AFF3: variants seen among roughly 807,000 people sequenced by gnomAD.
AFF3 encodes ALF transcription elongation factor 3.
Under a neutral mutation model 129.7 loss-of-function variants are expected in AFF3, and 32 were observed. The observed-to-expected ratio is 0.25, with a 90% CI of 0.19 to 0.33. The LOEUF (loss-of-function observed/expected upper bound fraction) is 0.33. Among genes scored for constraint, AFF3 ranks in the 10% least tolerant of loss-of-function variants. AFF3 has a pLI of 1.00. For missense variants in AFF3, 1,373 were observed against 1,592.0 expected (o/e 0.86, Z 2.34); for synonymous variants, 644 against 635.4 (o/e 1.01, Z -0.20).
At chr2:100,036,834 G>GA (rs60910274) in intron 4 of AFF3, among the ~76,000 whole-genome samples, 44,838 of 118,290 alleles carry the variant, frequency 0.38, 7,354 homozygotes, top group African/African-American at 0.41. Flanking sequence ...ACTCCAAACA[G>GA]AAAAAAAAAA....
Position 99,806,282 on chromosome 2 carries a change from T to C in AFF3, c.921+31195A>G, listed in dbSNP as rs776540224. Among the ~76,000 whole-genome samples the C allele has an allele frequency of 1.3e-4, 20 of 152,330 alleles. No homozygotes were observed. In the Middle Eastern group the frequency reaches 0.01, roughly 78 times the overall value. ...ATTAATTACTCCCATCAACATTCAT[T>C]GAGCTTCTGTCTACTACATGTGAAG... On this transcript the variant is annotated intron_variant, in intron 8 of 24. Transcript: ENST00000672756.
intron 7 of AFF3, among the ~76,000 whole-genome samples, chr2:99,847,490 C>T (rs1689822238): frequency 6.6e-6 from 1 of 151,884 alleles, no homozygotes; most frequent in South Asian, 2.1e-4. Context: ...TGTTGCTTTA[C>T]TGTTAGTCTT....
At chr2:100,064,967 G>C (rs73966414) in intron 4 of AFF3, among the ~76,000 whole-genome samples, 105 of 152,280 alleles carry the variant, frequency 6.9e-4, no homozygotes, top group African/African-American at 2.3e-3. Flanking sequence ...AAGTCATGCC[G>C]ATAATGTGCA....
At chr2:100,128,221 G>T (rs7565967) in intron 2 of AFF3, among the ~76,000 whole-genome samples, 86,197 of 152,010 alleles carry the variant, frequency 0.57, 25,357 homozygotes, top group African/African-American at 0.71. Flanking sequence ...GTAGCCATTC[G>T]TTTATTCCTT....
At chr2:100,100,471 C>T (rs1690643452) in intron 4 of AFF3, among the ~76,000 whole-genome samples, 1 of 151,880 alleles carries the variant, frequency 6.6e-6, no homozygotes, top group Admixed American at 6.6e-5. Flanking sequence ...ATCTGTCTTC[C>T]AAGACTTAGT....
At chr2:99,657,131 C>A (rs1313509486) in intron 12 of AFF3, among the ~76,000 whole-genome samples, 1 of 152,096 alleles carries the variant, frequency 6.6e-6, no homozygotes, top group East Asian at 1.9e-4. Context: ...GACCTCAGGG[C>A]CTGAGGAGCA....
At chr2:99,704,917 T>C (rs887793348) in intron 11 of AFF3, among the ~76,000 whole-genome samples, 1 of 152,044 alleles carries the variant, frequency 6.6e-6, no homozygotes, top group Non-Finnish European at 1.5e-5. Context: ...GAGTTAGAGA[T>C]CTCGATCTGG....
intron 7 of AFF3, among the ~76,000 whole-genome samples, chr2:99,909,312 G>GA (rs1322856805): frequency 7.0e-6 from 1 of 142,468 alleles, no homozygotes; most frequent in Non-Finnish European, 1.5e-5. Context: ...ACAGGAAGGG[G>GA]AACATCACAC....
At chr2:99,859,406 T>C (rs1016993542) in intron 7 of AFF3, among the ~76,000 whole-genome samples, 1 of 152,208 alleles carries the variant, frequency 6.6e-6, no homozygotes, top group East Asian at 1.9e-4. Context: ...ACTCCAGACC[T>C]ACTGAGTCAG....
intron 13 of AFF3, among the ~76,000 whole-genome samples, chr2:99,648,755 G>A (rs1452079659): frequency 6.6e-6 from 1 of 151,990 alleles, no homozygotes; most frequent in Non-Finnish European, 1.5e-5. Flanking sequence ...GGTGGTGAAG[G>A]TTAGCTAGAC....
chr2:100,071,854 T>A (rs1232002254), intron 4 of AFF3, among the ~76,000 whole-genome samples: 1 of 152,188 alleles, frequency 6.6e-6, no homozygotes, highest in Non-Finnish European at 1.5e-5. Context: ...TCAAGGGATA[T>A]CTATTCAAGG....
intron 11 of AFF3, among the ~76,000 whole-genome samples, chr2:99,708,130 G>T (rs995733822): frequency 6.6e-6 from 1 of 152,004 alleles, no homozygotes; most frequent in Non-Finnish European, 1.5e-5. Context: ...TTCAAGTATT[G>T]CATGGGACAT....
At chr2:99,704,695 G>T (rs1677190061) in intron 11 of AFF3, among the ~76,000 whole-genome samples, 1 of 152,168 alleles carries the variant, frequency 6.6e-6, no homozygotes, top group Non-Finnish European at 1.5e-5. Context: ...TCAACTTCTA[G>T]GGTGACCTTG....
At chr2:99,768,078 T>A (rs890020257) in intron 8 of AFF3, among the ~76,000 whole-genome samples, 1 of 152,220 alleles carries the variant, frequency 6.6e-6, no homozygotes, top group Non-Finnish European at 1.5e-5. Context: ...TCAGTCTCAA[T>A]TCCTGACTCA....
intron 12 of AFF3, among the ~76,000 whole-genome samples, chr2:99,657,636 T>C (rs1397968961): frequency 6.6e-6 from 1 of 152,222 alleles, no homozygotes; most frequent in East Asian, 1.9e-4. Flanking sequence ...GTGTATTATT[T>C]CCCTATTTGC....
intron 14 of AFF3, among the ~76,000 whole-genome samples, chr2:99,601,103 C>T (rs1200001172): frequency 2.6e-5 from 4 of 152,190 alleles, no homozygotes; most frequent in African/African-American, 9.7e-5. Flanking sequence ...CCAGCGACTG[C>T]CCTGGCTGAC....
At chr2:100,138,537 C>G (rs1692722216) in intron 1 of AFF3, among the ~76,000 whole-genome samples, 1 of 152,230 alleles carries the variant, frequency 6.6e-6, no homozygotes, top group Non-Finnish European at 1.5e-5. Context: ...GGAGCACTAT[C>G]TGATACAACC....
At chr2:99,768,750 T>C (rs1167939760) in intron 8 of AFF3, among the ~76,000 whole-genome samples, 1 of 152,256 alleles carries the variant, frequency 6.6e-6, no homozygotes, top group Non-Finnish European at 1.5e-5. Context: ...GTTTGAAGGA[T>C]ATTTTCACCA....
intron 7 of AFF3, among the ~76,000 whole-genome samples, chr2:99,905,993 C>T (rs1349889582): frequency 1.3e-5 from 2 of 152,060 alleles, no homozygotes; most frequent in East Asian, 1.9e-4. Flanking sequence ...TAAATTCAGG[C>T]CTGACTAATG....
Sources: gnomAD v4.1 joint callset for allele counts (sites outside exome capture counted in the v4.1 genomes callset) on GRCh38, gnomAD v4.1.1 for gene constraint, MANE v1.5 for transcripts, NCBI Gene and HGNC (gene_info 2026-07-23, HGNC 2026-07-21) for gene names.